UBR4: variants seen among roughly 807,000 people sequenced by gnomAD.
The protein encoded by UBR4 is ubiquitin protein ligase E3 component n-recognin 4.
UBR4 carries 124 observed loss-of-function variants against 575.6 expected under a neutral mutation model. The observed-to-expected ratio is 0.22, with a 90% CI of 0.19 to 0.25. The LOEUF (loss-of-function observed/expected upper bound fraction) is 0.25, where lower values mean the gene tolerates loss of function less well. Among genes scored for constraint, UBR4 ranks in the 10% least tolerant of loss-of-function variants. UBR4 has a pLI of 1.00. For synonymous variants in UBR4, 2,455 were observed against 2,473.7 expected (o/e 0.99, Z 0.22); for missense variants, 4,818 against 6,478.8 (o/e 0.74, Z 8.80).
Position 19,139,079 on chromosome 1 carries a change from T to G in UBR4, c.8731+4A>C, listed in dbSNP as rs781240856. ...GAGACAGGACCCCCGCCATGGCACA[T>G]TACCACTGTGCTCGCCAGCCACTGA... On this transcript the variant is annotated splice_donor_region_variant and intron_variant, in intron 59 of 105. Transcript: ENST00000375254. This position sits in a 1 kb window ranked among gnomAD's most constrained non-coding sequence, Gnocchi z 4.2. 1 of 1,610,574 alleles carries G rather than the reference T, an allele frequency of 6.2e-7. No homozygotes were observed. The highest frequency in any genetic ancestry group is 8.5e-7 in the Non-Finnish European group (1 of 1,178,016).
Position 19,112,883 on chromosome 1 carries a change from C to A in UBR4, c.11458-16G>T. The A allele has an allele frequency of 6.5e-7, 1 of 1,542,156 alleles. No individual in the cohort carries two copies. The highest frequency in any genetic ancestry group is 8.7e-7 in the Non-Finnish European group (1 of 1,142,964). On this transcript the variant is annotated splice_polypyrimidine_tract_variant and intron_variant, in intron 77 of 105. Transcript: ENST00000375254. ...CAAAGACTTTCTAAGAACAAAAAGGCAACAATAATGGGAATTAGCAATTAA... is the reference window on the plus strand; with the variant it reads ...CAAAGACTTTCTAAGAACAAAAAGGAAACAATAATGGGAATTAGCAATTAA...
In UBR4 at chr1:19,197,942, C is replaced by A; in HGVS notation, c.751+5G>T. 6.2e-7 allele frequency: 1 copy of A among 1,614,096 alleles called. No homozygotes were observed. The highest frequency in any genetic ancestry group is 8.5e-7 in the Non-Finnish European group (1 of 1,179,992). ...CAGCTTTCTGATAACAGTTGGGAGT[C>A]TTACCAAGCTCTTGAAGACTAGCCA... On this transcript the variant is annotated splice_donor_5th_base_variant and intron_variant, in intron 6 of 105. Transcript: ENST00000375254.
Position 19,088,075 on chromosome 1 carries a change from A to G in UBR4, c.14431-146T>C, listed in dbSNP as rs556471347. The G allele has an allele frequency of 1.1e-5, 7 of 610,736 alleles. No homozygotes were observed. The highest frequency in any genetic ancestry group is 1.1e-4 in the Admixed American group (4 of 38,058). 37.8% of individuals were successfully genotyped at this position (610,736 alleles called of 1,614,324 possible). A position where few individuals can be genotyped will look rare whatever the true frequency, so the allele number is the denominator to read the frequency against. On this transcript the variant is annotated intron_variant, in intron 98 of 105. Transcript: ENST00000375254. This position sits in a 1 kb window ranked among gnomAD's most constrained non-coding sequence, Gnocchi z 4.0. ...AGGAAAGCCCTTGAGCTGTCTTCTA[A>G]TAAGGATAAAGACCCAGGCCCTTCT...
At chr1:19,124,045 T>A (rs1481279602) in intron 65 of UBR4, among the ~76,000 whole-genome samples, 1 of 152,220 alleles carries the variant, frequency 6.6e-6, no homozygotes, top group African/African-American at 2.4e-5. Flanking sequence ...CCCTGCACCC[T>A]GGCAGCCACA....
intron 53 of UBR4, among the ~76,000 whole-genome samples, chr1:19,145,537 A>ACACACACACACACACACACC: frequency 7.0e-6 from 1 of 143,702 alleles, no homozygotes; most frequent in Non-Finnish European, 1.6e-5. Flanking sequence ...ACACACACAC[A>ACACACACACACACACACACC]CACACAGTGC....
intron 29 of UBR4, 72 bp downstream of exon 29, chr1:19,166,950 A>G (rs2088598121): frequency 6.6e-7 from 1 of 1,506,980 alleles, no homozygotes; most frequent in East Asian, 2.3e-5. Flanking sequence ...ACCTAAAGGC[A>G]GCAGTGTTAG....
At chr1:19,118,418 C>CT (rs35059878) in intron 71 of UBR4, 7,269 of 130,200 alleles carry the variant, frequency 0.056, 500 homozygotes, top group African/African-American at 0.15. Context: ...AACTAAAGAC[C>CT]TTTTTTTTTT....
At chr1:19,102,505 T>C (rs962973359) in intron 87 of UBR4, among the ~76,000 whole-genome samples, 1 of 150,706 alleles carries the variant, frequency 6.6e-6, no homozygotes, top group African/African-American at 2.5e-5. Context: ...TTTTGGGCAA[T>C]AAGGCAAACG....
chr1:19,179,987 C>T (rs1182504955), intron 17 of UBR4, among the ~76,000 whole-genome samples: 1 of 152,188 alleles, frequency 6.6e-6, no homozygotes, highest in Non-Finnish European at 1.5e-5. Flanking sequence ...ATGAATGTTT[C>T]GCAAAATGTC....
At position 19,087,885 on chromosome 1, in the gene UBR4, C is replaced by T. The variant is rs894388647; in HGVS notation, c.14475G>A (p.Lys4825=). Reference sequence around the variant, plus strand: ...GCTCCTCGATCAGCTCTTCCATCTGCTTCAGGAGTGCTGTCTTGGTCACGA... The same window carrying T: ...GCTCCTCGATCAGCTCTTCCATCTGTTTCAGGAGTGCTGTCTTGGTCACGA... ...GQVVTKTALL[K]QMEELIEEPG... Residue 4825 remains lysine, a synonymous_variant, in exon 99 of 106, where the codon AAG becomes AAA. Transcript: ENST00000375254. 1.2e-6 allele frequency: 2 copies of T among 1,610,738 alleles called. No individual in the cohort carries two copies. The highest frequency in any genetic ancestry group is 1.7e-6 in the Non-Finnish European group (2 of 1,178,194).
rs527782577 is a variant in UBR4 at position 19,081,765 on chromosome 1, A to G, written c.15009-192T>C. On this transcript the variant is annotated intron_variant, in intron 102 of 105. Coordinates refer to ENST00000375254, the MANE Select transcript of UBR4 (RefSeq NM_020765.3). Reference sequence around the variant, plus strand: ...TAATCCACGCCCTTCGTCCCCTTCCAGGCCCTTCTTCGCGGCATCTTCCCT... The same window carrying G: ...TAATCCACGCCCTTCGTCCCCTTCCGGGCCCTTCTTCGCGGCATCTTCCCT... 4 of 733,312 alleles carry G rather than the reference A, an allele frequency of 5.5e-6. No homozygotes were observed. The South Asian group carries it at 5.9e-5, about 11-fold the overall frequency. 45.4% of individuals were successfully genotyped at this position (733,312 alleles called of 1,614,324 possible).
chr1:19,128,208 T>C lies in UBR4; in HGVS notation c.9111+3A>G. ...CTCACACAGTCTGCCTCTCAGATTT[T>C]ACCTTTTTATCCATACCCAACTCAG... On this transcript the variant is annotated splice_donor_region_variant and intron_variant, in intron 62 of 105. Transcript: ENST00000375254. 6.2e-7 allele frequency: 1 copy of C among 1,613,602 alleles called. No homozygotes were observed. The highest frequency in any genetic ancestry group is 8.5e-7 in the Non-Finnish European group (1 of 1,179,516).
chr1:19,167,984 A>C (rs747875809), intron 28 of UBR4, 43 bp downstream of exon 28: 57 of 1,537,828 alleles, frequency 3.7e-5, no homozygotes, highest in Admixed American at 7.6e-5. Flanking sequence ...ACCACAATAG[A>C]ATACAGACAT....
chr1:19,205,159 G>A (rs1488940915), intron 1 of UBR4, among the ~76,000 whole-genome samples: 1 of 152,212 alleles, frequency 6.6e-6, no homozygotes, highest in Non-Finnish European at 1.5e-5. Context: ...AGAAGCTGAA[G>A]CTTTTATACT....
At chr1:19,113,663 A>G in intron 77 of UBR4, 36 bp downstream of exon 77, 1 of 1,612,176 alleles carries the variant, frequency 6.2e-7, no homozygotes, top group Non-Finnish European at 8.5e-7. Flanking sequence ...TAACACTTGG[A>G]CAAAACACAC....
In UBR4 at chr1:19,152,555, A is replaced by G; in HGVS notation, c.6833-79T>C. The G allele has an allele frequency of 6.4e-7, 1 of 1,572,862 alleles. No homozygotes were observed. Among genetic ancestry groups the G allele is most frequent in the Non-Finnish European group, 8.7e-7 (1 of 1,151,462 alleles). ...CCACTGGTAAAGACTCCTCCCAGAC[A>G]GAGCCCACACTCACACTCTAATCTA... On this transcript the variant is annotated intron_variant, in intron 46 of 105. Transcript: ENST00000375254. The surrounding 1 kb of genome is among the most constrained non-coding windows in gnomAD (Gnocchi z 4.4).
intron 1 of UBR4, among the ~76,000 whole-genome samples, chr1:19,209,772 CGTGAACATTCCCTTAA>C (rs1326383896): frequency 6.6e-6 from 1 of 152,188 alleles, no homozygotes; most frequent in African/African-American, 2.4e-5. Context: ...GGGGCAGCCC[CGTGAACATTCCCTTAA>C]GAGGGCGAAT....
At chr1:19,149,801 G>C in intron 49 of UBR4, 4 of 1,291,944 alleles carry the variant, frequency 3.1e-6, no homozygotes, top group Non-Finnish European at 4.1e-6. Context: ...CAGAACTTGG[G>C]GGAGAAGCAA....
At chr1:19,167,961 C>A in intron 28 of UBR4, 66 bp downstream of exon 28, 1 of 1,434,798 alleles carries the variant, frequency 7.0e-7, no homozygotes, top group Admixed American at 2.4e-5. Context: ...AAAACTCTCA[C>A]TGTCCCTCTT....
Sources: gnomAD v4.1 joint callset for allele counts (sites outside exome capture counted in the v4.1 genomes callset) on GRCh38, gnomAD v4.1.1 for gene constraint, Gnocchi (gnomAD v3.1) non-coding constraint, MANE v1.5 for transcripts, NCBI Gene and HGNC (gene_info 2026-07-23, HGNC 2026-07-21) for gene names.